The following PROSER1 variants were observed in gnomAD, a reference collection of about 807,000 sequenced individuals.
The protein encoded by PROSER1 is proline and serine rich 1, also known as proline and serine-rich protein 1.
A neutral mutation model predicts 71.8 loss-of-function variants in PROSER1; 36 were observed. That is an observed-to-expected ratio of 0.50 (90% confidence interval 0.38 to 0.66). PROSER1 has a LOEUF of 0.66. Among genes scored for constraint, PROSER1 ranks in the 30% least tolerant of loss-of-function variants. The pLI, the probability that PROSER1 is intolerant of heterozygous loss-of-function variation, is 0.00. For synonymous variants in PROSER1, 490 were observed against 452.4 expected (o/e 1.08, Z -1.06); for missense variants, 1,107 against 1,135.0 (o/e 0.98, Z 0.35).
At position 39,037,318 on chromosome 13, in the gene PROSER1, G is replaced by T. The variant is rs971265878; in HGVS notation, c.-76C>A. ...ACGTTCATCCCTGGTCTGCTCCGCC[G>T]ATAGTAAAAAATATTTATAGCTGAG... is the stretch of plus-strand genomic sequence containing the variant. On this transcript the variant is annotated 5_prime_UTR_variant, in exon 1 of 13. Coordinates refer to ENST00000352251, the MANE Select transcript of PROSER1 (RefSeq NM_025138.5). 1.9e-6 allele frequency: 2 copies of T among 1,071,990 alleles called. No homozygotes were observed. The highest frequency in any genetic ancestry group is 2.9e-6 in the Non-Finnish European group (2 of 690,014). The allele number at this position is 1,071,990 out of a possible 1,614,324, so 66.4% of individuals were successfully genotyped here.
chr13:39,019,647 T>A (rs938641605), intron 9 of PROSER1, among the ~76,000 whole-genome samples: 8 of 151,756 alleles, frequency 5.3e-5, no homozygotes, highest in Admixed American at 2.0e-4. Context: ...AGAGAAAATT[T>A]CTAAGTTTGG....
chr13:39,012,704 C>G lies in PROSER1; in HGVS notation c.2548G>C (p.Val850Leu), dbSNP rs1386908993. ...CTATCCACATACCCGGCTTGTGCAACAAGAGCGGAGTTGAAATTGGAACTG... is the reference window on the plus strand; with the variant it reads ...CTATCCACATACCCGGCTTGTGCAAGAAGAGCGGAGTTGAAATTGGAACTG... ...AFSSNFNSAL[V>L]AQAGLSSGLQ... Residue 850 changes from valine (V) to leucine (L), a missense_variant, in exon 11 of 13, where the codon GTT becomes CTT. Val to Leu is a conservative substitution (Grantham distance 32). Coordinates refer to ENST00000352251, the MANE Select transcript of PROSER1 (RefSeq NM_025138.5). 6.3e-7 allele frequency: 1 copy of G among 1,578,968 alleles called. No homozygotes were observed. The highest frequency in any genetic ancestry group is 8.6e-7 in the Non-Finnish European group (1 of 1,163,718).
In PROSER1 at chr13:39,011,312, A is replaced by G; in HGVS notation, c.*53T>C. The G allele has an allele frequency of 6.3e-7, 1 of 1,583,592 alleles. No individual in the cohort carries two copies. The highest frequency in any genetic ancestry group is 8.7e-7 in the Non-Finnish European group (1 of 1,155,480). On this transcript the variant is annotated 3_prime_UTR_variant, in exon 13 of 13. Transcript: ENST00000352251. ...TCACATTTGTCAGATTGTTCATTGC[A>G]GTTCTCAGGCAATTCTGATGTTGCT...
chr13:39,029,180 G>A, intron 4 of PROSER1, 101 bp downstream of exon 4: 4 of 627,212 alleles, frequency 6.4e-6, no homozygotes, highest in Non-Finnish European at 1.1e-5. Flanking sequence ...GCTTTTGACT[G>A]TATTTTGTTA....
Position 39,024,501 on chromosome 13 carries a change from G to T in PROSER1, c.536C>A (p.Ala179Asp). 6.2e-7 allele frequency: 1 copy of T among 1,609,146 alleles called. No homozygotes were observed. Among genetic ancestry groups the T allele is most frequent in the Non-Finnish European group, 8.5e-7 (1 of 1,177,926 alleles). The change falls in exon 7 of 13, where the codon GCT (alanine) becomes GAT (aspartate). Residue 179 changes from alanine (A) to aspartate (D), a missense_variant. Ala to Asp is a moderately radical substitution (Grantham distance 126). Transcript: ENST00000352251. ...EECTNEGKGIAARILGPSKPP... is the reference protein window; with the variant it reads ...EECTNEGKGIDARILGPSKPP... Reference sequence around the variant, plus strand: ...TTTGGATGGCCCAAGAATTCGTGCAGCTATTCCTTTGCCTTCGTTAGTACA... The same window carrying T: ...TTTGGATGGCCCAAGAATTCGTGCATCTATTCCTTTGCCTTCGTTAGTACA...
At position 39,012,950 on chromosome 13, in the gene PROSER1, T is replaced by C. The variant is rs553511129; in HGVS notation, c.2302A>G (p.Thr768Ala). The C allele has an allele frequency of 1.2e-5, 19 of 1,613,934 alleles. No individual in the cohort carries two copies. Among genetic ancestry groups the C allele is most frequent in the East Asian group, 2.2e-5 (1 of 44,858 alleles). The change falls in exon 11 of 13, where the codon ACT (threonine) becomes GCT (alanine). Residue 768 changes from threonine to alanine, a missense_variant. Transcript: ENST00000352251. ...SAAPFPLNLS[T>A]AVPSLFSVTQ... ...ACAGAGAAAAGTGAGGGAACAGCAG[T>C]GGACAGGTTGAGGGGGAAAGGTGCT...
intron 2 of PROSER1, 100 bp downstream of exon 2, chr13:39,034,031 C>CA: frequency 1.2e-6 from 1 of 811,974 alleles, no homozygotes; most frequent in Non-Finnish European, 1.9e-6. Context: ...ATAAATACAG[C>CA]AAAAAGGTAA....
Position 39,013,418 on chromosome 13 carries a change from T to C in PROSER1, c.1834A>G (p.Thr612Ala). The change falls in exon 11 of 13, where the codon ACA (threonine) becomes GCA (alanine). Residue 612 changes from threonine to alanine, a missense_variant. Transcript: ENST00000352251. Reference protein sequence around the residue: ...TLPVMIKTEPTSPTPSAFKGP... With the variant: ...TLPVMIKTEPASPTPSAFKGP... ...TTGAAGGCCGAGGGAGTAGGACTTG[T>C]GGGCTCAGTTTTGATCATAACAGGA... 1 of 1,614,084 alleles carries C rather than the reference T, an allele frequency of 6.2e-7. No homozygotes were observed. The highest frequency in any genetic ancestry group is 8.5e-7 in the Non-Finnish European group (1 of 1,180,014).
chr13:39,022,334 A>G lies in PROSER1; in HGVS notation c.722T>C (p.Val241Ala). The change falls in exon 9 of 13, where the codon GTA (valine) becomes GCA (alanine). Residue 241 changes from valine (V) to alanine (A), a missense_variant. By Grantham distance (64) the Val-to-Ala change is moderately conservative. Coordinates refer to ENST00000352251, the MANE Select transcript of PROSER1 (RefSeq NM_025138.5). ...CCCAAATAACATTTTACCTGTTCCT[A>G]CAGGATTAGGAGTATATGGAGGTGG... ...PPPPPYTPNPVGTENEDLSNP... is the reference protein window; with the variant it reads ...PPPPPYTPNPAGTENEDLSNP... The G allele has an allele frequency of 1.9e-6, 3 of 1,605,260 alleles. No individual in the cohort carries two copies. The highest frequency in any genetic ancestry group is 2.6e-6 in the Non-Finnish European group (3 of 1,172,032).
In PROSER1 at chr13:39,031,735, G is replaced by C. The variant is rs377700732; in HGVS notation, c.112-104C>G. 1.7e-5 allele frequency: 15 copies of C among 879,092 alleles called. No homozygotes were observed. The East Asian group carries it at 2.5e-4, about 14-fold the overall frequency. The allele number at this position is 879,092 out of a possible 1,614,324, so 54.5% of individuals were successfully genotyped here. ...ATTCGACACGTGCAGCCCAGGCCCAGGTGATACAGGTGGCATTAAAGTTTA... is the reference window on the plus strand; with the variant it reads ...ATTCGACACGTGCAGCCCAGGCCCACGTGATACAGGTGGCATTAAAGTTTA... On this transcript the variant is annotated intron_variant, in intron 2 of 12. Coordinates refer to ENST00000352251, the MANE Select transcript of PROSER1 (RefSeq NM_025138.5).
chr13:39,029,247 T>TAA (rs34146778), intron 4 of PROSER1, 34 bp downstream of exon 4: 30,674 of 737,422 alleles, frequency 0.042, 1,199 homozygotes, highest in African/African-American at 0.19. Flanking sequence ...TTTTCCCAAG[T>TAA]AAAAAAAAAA....
intron 4 of PROSER1, 46 bp from the exon 5 acceptor site, chr13:39,028,366 T>C (rs1323948815): frequency 8.0e-6 from 9 of 1,120,426 alleles, no homozygotes; most frequent in African/African-American, 1.5e-5. Context: ...AATCTGAACA[T>C]ACATCGAGGT....
chr13:39,013,170 G>A lies in PROSER1; in HGVS notation c.2082C>T (p.Phe694=). 6.2e-7 allele frequency: 1 copy of A among 1,614,094 alleles called. No homozygotes were observed. The highest frequency in any genetic ancestry group is 8.5e-7 in the Non-Finnish European group (1 of 1,179,964). Residue 694 remains phenylalanine, a synonymous_variant, in exon 11 of 13, where the codon TTC becomes TTT. Transcript: ENST00000352251. ...AAGAAGTAAAAGAAGGAAGAGCAGTGAATACTGGTGCAATGGGAGTGGAGG... is the reference window on the plus strand; with the variant it reads ...AAGAAGTAAAAGAAGGAAGAGCAGTAAATACTGGTGCAATGGGAGTGGAGG... ...HGSSTPIAPV[F]TALPSFTSLT...
chr13:39,035,147 C>A (rs1029270306), intron 1 of PROSER1, among the ~76,000 whole-genome samples: 7 of 152,134 alleles, frequency 4.6e-5, no homozygotes, highest in African/African-American at 1.7e-4. Flanking sequence ...ACTGAAATAT[C>A]CTGGGTGCTC....
Position 39,012,863 on chromosome 13 carries a change from G to T in PROSER1, c.2389C>A (p.Pro797Thr), listed in dbSNP as rs771795032. The T allele has an allele frequency of 1.8e-4, 287 of 1,614,038 alleles. No homozygotes were observed. The highest frequency in any genetic ancestry group is 2.2e-4 in the Non-Finnish European group (256 of 1,180,034). The change falls in exon 11 of 13, where the codon CCA becomes ACA. Residue 797 changes from proline (P) to threonine (T), a missense_variant. Physicochemically the swap from Pro to Thr is conservative, Grantham distance 38 (BLOSUM62 -1). Coordinates refer to ENST00000352251, the MANE Select transcript of PROSER1 (RefSeq NM_025138.5). Reference sequence around the variant, plus strand: ...GAGGGAAGAGCAGGGGTAACGCTTGGGGTATTAGAGACAGAAAAGCCTGGA... The same window carrying T: ...GAGGGAAGAGCAGGGGTAACGCTTGTGGTATTAGAGACAGAAAAGCCTGGA... ...SYPGFSVSNT[P>T]SVTPALPSFP...
Position 39,013,758 on chromosome 13 carries a change from A to G in PROSER1, c.1494T>C (p.Ala498=). Residue 498 remains alanine, a synonymous_variant, in exon 11 of 13, where the codon GCT becomes GCC. Transcript: ENST00000352251. ...ALSSAVTSGL[A]SLSSLTLQNS... is the part of the protein sequence containing the mutation. ...TCTGAAGAGTAAGAGAAGATAGTGA[A>G]GCCAGCCCACTTGTGACAGCAGAGG... The G allele has an allele frequency of 2.5e-6, 4 of 1,614,200 alleles. No individual in the cohort carries two copies. The highest frequency in any genetic ancestry group is 2.5e-6 in the Non-Finnish European group (3 of 1,180,030).
chr13:39,027,159 C>A (rs1046927266), intron 5 of PROSER1, among the ~76,000 whole-genome samples: 3 of 151,896 alleles, frequency 2.0e-5, no homozygotes, highest in Admixed American at 6.6e-5. Context: ...TAAATCCCTT[C>A]ACAACACATA....
intron 1 of PROSER1, among the ~76,000 whole-genome samples, chr13:39,034,736 G>A (rs376322656): frequency 3.4e-4 from 52 of 152,354 alleles, no homozygotes; most frequent in East Asian, 2.5e-3. Flanking sequence ...AACTGGCAGT[G>A]TAGACTTTGA....
At chr13:39,012,021 T>C in intron 12 of PROSER1, 62 bp downstream of exon 12, 1 of 1,508,146 alleles carries the variant, frequency 6.6e-7, no homozygotes, top group Non-Finnish European at 9.1e-7. Context: ...ACTGCAATGT[T>C]ATCACTACAG....
Sources: allele counts gnomAD v4.1 joint callset (sites outside exome capture counted in the v4.1 genomes callset), GRCh38; gene constraint gnomAD v4.1.1; transcripts MANE v1.5; gene names NCBI Gene and HGNC (gene_info 2026-07-23, HGNC 2026-07-21).